The following CDX4 variants were observed in gnomAD, a reference collection of about 807,000 sequenced individuals.
CDX4 encodes the protein caudal type homeobox 4, also known as homeobox protein CDX-4.
Under a neutral mutation model 14.1 loss-of-function variants are expected in CDX4, and 11 were observed. The observed-to-expected ratio is 0.78, with a 90% confidence interval of 0.49 to 1.29. The LOEUF (loss-of-function observed/expected upper bound fraction) is 1.29, where lower values mean the gene tolerates loss of function less well. Among genes scored for constraint, CDX4 ranks in the 50% most tolerant of loss-of-function variants. The probability of loss-of-function intolerance (pLI) is 0.00; values close to 1 mark genes in which losing one functional copy is unlikely to be tolerated. For synonymous variants in CDX4, 100 were observed against 93.5 expected (o/e 1.07, Z -0.40); for missense variants, 257 against 237.4 (o/e 1.08, Z -0.54).
In CDX4 at chrX:73,447,500, T is replaced by A; in HGVS notation, c.247T>A (p.Trp83Arg). 8.3e-7 allele frequency: 1 copy of A among 1,211,941 alleles called. No homozygotes were observed. The change falls in exon 1 of 3, where the codon TGG (tryptophan) becomes AGG (arginine). Residue 83 changes from tryptophan (W) to arginine (R), a missense_variant. Transcript: ENST00000373514. ...GSPYSPPRED[W>R]SVYPGPSSTM... ...ACCCTACAGTCCCCCGCGAGAAGACTGGAGCGTGTATCCTGGGCCGTCTAG... is the reference window on the plus strand; with the variant it reads ...ACCCTACAGTCCCCCGCGAGAAGACAGGAGCGTGTATCCTGGGCCGTCTAG...
chrX:73,454,267 G>C, intron 2 of CDX4, 112 bp from the exon 3 acceptor site: 1 of 520,329 alleles, frequency 1.9e-6, no homozygotes, highest in Non-Finnish European at 3.2e-6. Context: ...GTCATTGTGA[G>C]GCTGAAATGA....
chrX:73,451,713 T>C (rs2057087322), intron 1 of CDX4, among the ~76,000 whole-genome samples: 1 of 111,948 alleles, frequency 8.9e-6, no homozygotes, highest in African/African-American at 3.2e-5. Context: ...GCATAAAACA[T>C]GGATAAAGAC....
At chrX:73,452,005 C>A (rs939882811) in intron 1 of CDX4, among the ~76,000 whole-genome samples, 1 of 111,058 alleles carries the variant, frequency 9.0e-6, no homozygotes, top group Non-Finnish European at 1.9e-5. Flanking sequence ...CTGACTGGAC[C>A]GCATAGTTTT....
chrX:73,449,309 AC>A (rs2057080206), intron 1 of CDX4, among the ~76,000 whole-genome samples: 1 of 112,202 alleles, frequency 8.9e-6, no homozygotes, highest in South Asian at 3.7e-4. Flanking sequence ...GCAATAGAGA[AC>A]AAGAGAGGAA....
In CDX4 at chrX:73,453,605, T is replaced by C. The variant is rs780470070; in HGVS notation, c.591T>C (p.Tyr197=). ...ELEKEFHCNR[Y]ITIQRKSELA... is the part of the protein sequence containing the mutation. Reference sequence around the variant, plus strand: ...AAAAGGAATTCCATTGCAATAGATATATCACCATCCAGAGAAAATCAGAGC... The same window carrying C: ...AAAAGGAATTCCATTGCAATAGATACATCACCATCCAGAGAAAATCAGAGC... Residue 197 remains tyrosine, a synonymous_variant, in exon 2 of 3, where the codon TAT becomes TAC. Coordinates refer to ENST00000373514, the MANE Select transcript of CDX4 (RefSeq NM_005193.2). 2.5e-6 allele frequency: 3 copies of C among 1,202,148 alleles called. No homozygotes were observed. Among genetic ancestry groups the C allele is most frequent in the African/African-American group, 3.5e-5 (2 of 56,867 alleles).
chrX:73,454,424 A>T lies in CDX4; in HGVS notation c.694A>T (p.Ile232Phe). 8.3e-7 allele frequency: 1 copy of T among 1,209,540 alleles called. No homozygotes were observed. Among genetic ancestry groups the T allele is most frequent in the African/African-American group, 1.7e-5 (1 of 57,687 alleles). ...TCGCAGAGCCAAGGAGAGAAAGATGATCAAAAAGAAAATCTCCCAGTTTGA... is the reference window on the plus strand; with the variant it reads ...TCGCAGAGCCAAGGAGAGAAAGATGTTCAAAAAGAAAATCTCCCAGTTTGA... The part of the protein sequence containing the change: ...QNRRAKERKM[I>F]KKKISQFENS... The change falls in exon 3 of 3, where the codon ATC (isoleucine) becomes TTC (phenylalanine). Residue 232 changes from isoleucine to phenylalanine, a missense_variant. Physicochemically the swap from Ile to Phe is conservative, Grantham distance 21. Coordinates refer to ENST00000373514, the MANE Select transcript of CDX4 (RefSeq NM_005193.2).
intron 1 of CDX4, among the ~76,000 whole-genome samples, chrX:73,449,290 G>A (rs2147488842): frequency 8.9e-6 from 1 of 111,959 alleles, no homozygotes; most frequent in African/African-American, 3.2e-5. Context: ...AGTCACTGGC[G>A]TGCTGTTTGC....
intron 2 of CDX4, 44 bp from the exon 3 acceptor site, chrX:73,454,335 C>A: frequency 2.2e-6 from 2 of 924,662 alleles, no homozygotes; most frequent in Non-Finnish European, 3.1e-6. Context: ...TATCAGAAAT[C>A]ACTAAGTTAA....
chrX:73,453,496 C>A (rs1321429290), intron 1 of CDX4, 21 bp from the exon 2 acceptor site: 2 of 1,174,745 alleles, frequency 1.7e-6, no homozygotes, highest in Non-Finnish European at 2.3e-6. Flanking sequence ...AGATTAAATG[C>A]AATGCTTTCT....
intron 2 of CDX4, 43 bp downstream of exon 2, chrX:73,453,705 C>T: frequency 9.1e-7 from 1 of 1,100,381 alleles, no homozygotes; most frequent in Non-Finnish European, 1.2e-6. Flanking sequence ...TAGTCCATTT[C>T]AATAGAATCA....
chrX:73,453,801 C>T lies in CDX4; in HGVS notation c.648+139C>T, dbSNP rs753970063. ...ACCACGTGTGAAGGCACATTGATAT[C>T]GCTCTCTTCTATCTCCAGCAAGAGA... On this transcript the variant is annotated intron_variant, in intron 2 of 2. Transcript: ENST00000373514. 1.1e-5 allele frequency: 5 copies of T among 451,827 alleles called. No homozygotes were observed. The East Asian group carries it at 1.3e-4, about 12-fold the overall frequency. 37.2% of individuals were successfully genotyped at this position (451,827 alleles called of 1,213,427 possible). A position where few individuals can be genotyped will look rare whatever the true frequency, so the allele number is the denominator to read the frequency against.
chrX:73,448,544 A>G (rs1377335747), intron 1 of CDX4, among the ~76,000 whole-genome samples: 2 of 112,050 alleles, frequency 1.8e-5, no homozygotes, highest in Non-Finnish European at 3.8e-5. Flanking sequence ...AGCCCTCATA[A>G]CTATCAAAGC....
rs1318271541 is a variant in CDX4, at chrX:73,455,042, T to A, written c.*457T>A. 8.8e-6 allele frequency: 1 copy of A among 113,117 alleles called. No homozygotes were observed. The highest frequency in any genetic ancestry group is 3.2e-5 in the African/African-American group (1 of 30,892). The allele number at this position is 113,117 out of a possible 1,213,427, so 9.3% of individuals were successfully genotyped here. A position where few individuals can be genotyped will look rare whatever the true frequency, so the allele number is the denominator to read the frequency against. On this transcript the variant is annotated 3_prime_UTR_variant, in exon 3 of 3. Transcript: ENST00000373514. ...ATCTATCTTTAGCTACCTTTCCAAG[T>A]GTTTAATTCAAAAGCTAACAGAATT...
At position 73,454,735 on chromosome X, in the gene CDX4, G is replaced by A. The variant is rs764742678; in HGVS notation, c.*150G>A. On this transcript the variant is annotated 3_prime_UTR_variant, in exon 3 of 3. Transcript: ENST00000373514. ...GCACAATGGGTTGAAGATAATTTAG[G>A]GGACTCTTACTTTTAGAAACTATCC... The A allele has an allele frequency of 2.3e-6, 1 of 441,827 alleles. No homozygotes were observed. The highest frequency in any genetic ancestry group is 3.8e-5 in the East Asian group (1 of 26,648). 36.4% of individuals were successfully genotyped at this position (441,827 alleles called of 1,213,427 possible).
At position 73,453,595 on chromosome X, in the gene CDX4, G is replaced by A; in HGVS notation, c.581G>A (p.Cys194Tyr). The A allele has an allele frequency of 1.7e-6, 2 of 1,201,287 alleles. No individual in the cohort carries two copies. Among genetic ancestry groups the A allele is most frequent in the Non-Finnish European group, 2.3e-6 (2 of 887,882 alleles). Residue 194 changes from cysteine (C) to tyrosine (Y), a missense_variant, in exon 2 of 3, where the codon TGC becomes TAC. Transcript: ENST00000373514. ...TTGGAGCTGGAAAAGGAATTCCATT[G>A]CAATAGATATATCACCATCCAGAGA... Reference protein sequence around the residue: ...QRLELEKEFHCNRYITIQRKS... With the variant: ...QRLELEKEFHYNRYITIQRKS...
At chrX:73,452,465 T>G (rs1009699843) in intron 1 of CDX4, among the ~76,000 whole-genome samples, 4 of 111,260 alleles carry the variant, frequency 3.6e-5, no homozygotes, top group Non-Finnish European at 7.6e-5. Flanking sequence ...GAGAACTTCC[T>G]AAGTATCTTT....
At position 73,453,534 on chromosome X, in the gene CDX4, G is replaced by T. The variant is rs1463443044; in HGVS notation, c.520G>T (p.Glu174Ter). The T allele has an allele frequency of 8.3e-7, 1 of 1,200,527 alleles. No individual in the cohort carries two copies. Residue 174 changes from glutamate (E) to a stop codon, truncating the protein, a stop_gained, in exon 2 of 3, where the codon GAA becomes TAA. Transcript: ENST00000373514. LOFTEE classifies it high-confidence loss of function. The stretch of plus-strand genomic sequence containing the variant: ...CCTAACAGGGAAAACCAGGACAAAA[G>T]AAAAGTATCGTGTAGTTTACACTGA... ...VQVTGKTRTK[E>*]KYRVVYTDHQ... is the part of the protein sequence containing the mutation.
rs200133821 is a variant in CDX4, at chrX:73,447,492, G to A, written c.239G>A (p.Arg80Gln). 5.8e-6 allele frequency: 7 copies of A among 1,211,906 alleles called. No individual in the cohort carries two copies. The highest frequency in any genetic ancestry group is 2.3e-4 in the Middle Eastern group (1 of 4,356). Reference protein sequence around the residue: ...GVWGSPYSPPREDWSVYPGPS... With the variant: ...GVWGSPYSPPQEDWSVYPGPS... Reference sequence around the variant, plus strand: ...TGGGGCTCACCCTACAGTCCCCCGCGAGAAGACTGGAGCGTGTATCCTGGG... The same window carrying A: ...TGGGGCTCACCCTACAGTCCCCCGCAAGAAGACTGGAGCGTGTATCCTGGG... The change falls in exon 1 of 3, where the codon CGA becomes CAA. Residue 80 changes from arginine (R) to glutamine (Q), a missense_variant. Transcript: ENST00000373514.
chrX:73,448,470 G>A (rs903272495), intron 1 of CDX4, among the ~76,000 whole-genome samples: 3 of 112,296 alleles, frequency 2.7e-5, no homozygotes, highest in African/African-American at 9.7e-5. Flanking sequence ...ACATAATACG[G>A]TACCTAACCC....
Sources: gnomAD v4.1 joint callset for allele counts (sites outside exome capture counted in the v4.1 genomes callset) on GRCh38, gnomAD v4.1.1 for gene constraint, MANE v1.5 for transcripts, NCBI Gene and HGNC (gene_info 2026-07-23, HGNC 2026-07-21) for gene names.